TCERG1L: variants seen among roughly 807,000 people sequenced by gnomAD.
TCERG1L encodes transcription elongation regulator 1 like.
In TCERG1L, 37 loss-of-function variants were observed where a neutral mutation model predicts 56.3. That is an observed-to-expected ratio of 0.66 (90% CI 0.51 to 0.87). TCERG1L has a LOEUF of 0.87. Ranked by LOEUF, TCERG1L falls within the 40% of genes least tolerant of loss-of-function variation. TCERG1L has a pLI of 0.00. For missense variants in TCERG1L, 799 were observed against 774.2 expected, an observed-to-expected ratio of 1.03 and a Z score of -0.38; for synonymous variants, 324 against 326.3, an observed-to-expected ratio of 0.99 and a Z score of 0.08.
intron 4 of TCERG1L, among the ~76,000 whole-genome samples, chr10:131,225,506 C>T (rs899336968): frequency 3.0e-4 from 46 of 152,186 alleles, no homozygotes; most frequent in Admixed American, 6.5e-5. Flanking sequence ...CCGATGCCTC[C>T]GTGGCATCCA....
chr10:131,195,803 C>G (rs1845355332), intron 4 of TCERG1L, among the ~76,000 whole-genome samples: 1 of 152,232 alleles, frequency 6.6e-6, no homozygotes, highest in Non-Finnish European at 1.5e-5. Flanking sequence ...TTCCGCAAGG[C>G]CTTCTGGGCA....
At position 131,242,695 on chromosome 10, in the gene TCERG1L, T is replaced by A. The variant is rs76250316; in HGVS notation, c.856+17564A>T. ...ACCATCTCTAGGCTGAAAATCTGCATTCCAAAATACTCCAAAGTCTGTGAC... is the reference window on the plus strand; with the variant it reads ...ACCATCTCTAGGCTGAAAATCTGCAATCCAAAATACTCCAAAGTCTGTGAC... On this transcript the variant is annotated intron_variant, in intron 4 of 11. Transcript: ENST00000368642. 7.8e-3 allele frequency among the ~76,000 whole-genome samples: 1,181 copies of A among 152,314 alleles called. 15 individuals carry two copies. The highest frequency in any genetic ancestry group is 0.027 in the African/African-American group (1,131 of 41,568).
chr10:131,182,277 G>T lies in TCERG1L; in HGVS notation c.857-15392C>A, dbSNP rs898417328. Among the ~76,000 whole-genome samples the T allele has an allele frequency of 3.9e-5, 6 of 152,290 alleles. No individual in the cohort carries two copies. In the South Asian group the frequency reaches 8.3e-4, roughly 21 times the overall value. ...AAAAATGCATTTTGCATTGTCACTGGGTGAAAGGGAGGAAAAAACGCACAT... is the reference window on the plus strand; with the variant it reads ...AAAAATGCATTTTGCATTGTCACTGTGTGAAAGGGAGGAAAAAACGCACAT... On this transcript the variant is annotated intron_variant, in intron 4 of 11. Transcript: ENST00000368642.
chr10:131,215,622 T>A (rs1845662582), intron 4 of TCERG1L, among the ~76,000 whole-genome samples: 1 of 152,104 alleles, frequency 6.6e-6, no homozygotes, highest in Non-Finnish European at 1.5e-5. Flanking sequence ...GCTCTGAGGA[T>A]GCCTGGTCCA....
At chr10:131,176,920 A>C (rs1389579911) in intron 4 of TCERG1L, among the ~76,000 whole-genome samples, 1 of 146,664 alleles carries the variant, frequency 6.8e-6, no homozygotes, top group Admixed American at 7.0e-5. Context: ...ACCAAGATAC[A>C]TGCACACAGA....
chr10:131,278,360 CAG>C (rs1419364602), intron 3 of TCERG1L, among the ~76,000 whole-genome samples: 1 of 137,178 alleles, frequency 7.3e-6, no homozygotes, highest in Non-Finnish European at 1.5e-5. Flanking sequence ...TTTTTTGAGA[CAG>C]AGTCTTGCTC....
intron 4 of TCERG1L, among the ~76,000 whole-genome samples, chr10:131,183,149 C>T (rs1056740598): frequency 2.6e-5 from 4 of 152,118 alleles, no homozygotes; most frequent in Non-Finnish European, 5.9e-5. Flanking sequence ...ATTTTTCAAA[C>T]GACGGGGAGG....
At chr10:131,116,621 GGC>G (rs1298975663) in intron 9 of TCERG1L, among the ~76,000 whole-genome samples, 176 bp downstream of exon 9, 2 of 152,154 alleles carry the variant, frequency 1.3e-5, no homozygotes, top group Non-Finnish European at 2.9e-5. Flanking sequence ...GCCCTGGGAT[GGC>G]GACTCAGCCT....
intron 7 of TCERG1L, among the ~76,000 whole-genome samples, chr10:131,143,594 G>T (rs1003601611): frequency 4.6e-5 from 7 of 152,122 alleles, no homozygotes; most frequent in Admixed American, 1.3e-4. Flanking sequence ...GGGGGTTTCT[G>T]CCGTCACTAC....
At position 131,164,058 on chromosome 10, in the gene TCERG1L, C is replaced by G. The variant is rs541931033; in HGVS notation, c.946-848G>C. 2.1e-5 allele frequency: 3 copies of G among 140,508 alleles called. No individual in the cohort carries two copies. In the East Asian group the frequency reaches 6.5e-4, roughly 31 times the overall value. 8.7% of individuals were successfully genotyped at this position (140,508 alleles called of 1,614,324 possible). A position where few individuals can be genotyped will look rare whatever the true frequency, so the allele number is the denominator to read the frequency against. On this transcript the variant is annotated intron_variant, in intron 5 of 11. Coordinates refer to ENST00000368642, the MANE Select transcript of TCERG1L (RefSeq NM_174937.4). Reference sequence around the variant, plus strand: ...AGGAGAATCACTTGAAACTTGGAGGCGGAGGTTGCAGTGAGCCGAGATTAC... The same window carrying G: ...AGGAGAATCACTTGAAACTTGGAGGGGGAGGTTGCAGTGAGCCGAGATTAC...
In TCERG1L at chr10:131,103,094, T is replaced by TA. The variant is rs1203927685; in HGVS notation, c.1485+1170dup. On this transcript the variant is annotated intron_variant, in intron 10 of 11. Transcript: ENST00000368642. The surrounding 1 kb of genome is among the most constrained non-coding windows in gnomAD (Gnocchi z 4.3). ...CTGCTAGTGTTCTCTGGACCACTCCTATTTCATCACTATTATTGTCAACCT... is the reference window on the plus strand; with the variant it reads ...CTGCTAGTGTTCTCTGGACCACTCCTAATTTCATCACTATTATTGTCAACCT... Among the ~76,000 whole-genome samples the TA allele has an allele frequency of 6.6e-6, 1 of 151,952 alleles. No homozygotes were observed. The highest frequency in any genetic ancestry group is 1.5e-5 in the Non-Finnish European group (1 of 68,014).
intron 9 of TCERG1L, among the ~76,000 whole-genome samples, chr10:131,106,986 G>A (rs565003599): frequency 6.6e-6 from 1 of 152,112 alleles, no homozygotes; most frequent in Non-Finnish European, 1.5e-5. Context: ...GCATAGCTGG[G>A]TCTCAGGGCA....
intron 8 of TCERG1L, among the ~76,000 whole-genome samples, chr10:131,126,927 T>C (rs1251602117): frequency 2.0e-5 from 3 of 152,216 alleles, no homozygotes; most frequent in Admixed American, 2.0e-4. Context: ...TCAGGGCACC[T>C]TGACTTGAGA....
chr10:131,127,654 G>T (rs1845577290), intron 8 of TCERG1L, among the ~76,000 whole-genome samples: 1 of 152,136 alleles, frequency 6.6e-6, no homozygotes, highest in African/African-American at 2.4e-5. Context: ...AGAGCGAAGG[G>T]ACAGGTCCCT....
In TCERG1L at chr10:131,229,424, G is replaced by A. The variant is rs534449887; in HGVS notation, c.856+30835C>T. On this transcript the variant is annotated intron_variant, in intron 4 of 11. Transcript: ENST00000368642. Reference sequence around the variant, plus strand: ...AAGAAACCCCAGCCGTCAATGACACGCAGGTTTTATGCTTCCTGCCCACAT... The same window carrying A: ...AAGAAACCCCAGCCGTCAATGACACACAGGTTTTATGCTTCCTGCCCACAT... Among the ~76,000 whole-genome samples the A allele has an allele frequency of 1.8e-4, 27 of 152,320 alleles. No homozygotes were observed. The East Asian group carries it at 3.7e-3, about 21-fold the overall frequency.
In TCERG1L at chr10:131,232,058, GA is replaced by G. The variant is rs544271035; in HGVS notation, c.856+28200del. Among the ~76,000 whole-genome samples the G allele has an allele frequency of 5.3e-5, 8 of 152,352 alleles. No homozygotes were observed. The East Asian group carries it at 1.5e-3, about 29-fold the overall frequency. ...AATGCTGCAGTGTCTGCCCGCCCCAGAAGGGGCCATTCTGCCACCTCCTTGA... is the reference window on the plus strand; with the variant it reads ...AATGCTGCAGTGTCTGCCCGCCCCAGAGGGGCCATTCTGCCACCTCCTTGA... On this transcript the variant is annotated intron_variant, in intron 4 of 11. Coordinates refer to ENST00000368642, the MANE Select transcript of TCERG1L (RefSeq NM_174937.4).
At chr10:131,172,773 G>C (rs901321658) in intron 4 of TCERG1L, among the ~76,000 whole-genome samples, 1 of 151,926 alleles carries the variant, frequency 6.6e-6, no homozygotes, top group Non-Finnish European at 1.5e-5. Context: ...CTGGAGCCCT[G>C]TTTCTGTGTT....
intron 6 of TCERG1L, among the ~76,000 whole-genome samples, chr10:131,148,585 C>T (rs1845828268): frequency 1.4e-5 from 2 of 143,980 alleles, no homozygotes; most frequent in African/African-American, 2.5e-5. Context: ...AATACAGACA[C>T]ACAGACACAC....
chr10:131,307,274 C>T (rs1398445675), intron 3 of TCERG1L, among the ~76,000 whole-genome samples: 1 of 152,158 alleles, frequency 6.6e-6, no homozygotes, highest in Admixed American at 6.5e-5. Context: ...ATGAGAAACA[C>T]AAATAGTTTA....
Sources: gnomAD v4.1 joint callset for allele counts (sites outside exome capture counted in the v4.1 genomes callset) on GRCh38, gnomAD v4.1.1 for gene constraint, Gnocchi (gnomAD v3.1) non-coding constraint, MANE v1.5 for transcripts, NCBI Gene and HGNC (gene_info 2026-07-23, HGNC 2026-07-21) for gene names.